SLC7A8: variants seen among roughly 807,000 people sequenced by gnomAD.
SLC7A8 encodes large neutral amino acids transporter small subunit 2.
A neutral mutation model predicts 51.2 loss-of-function variants in SLC7A8; 30 were observed. That is an observed-to-expected ratio of 0.59 (90% CI 0.44 to 0.80). SLC7A8 has a LOEUF of 0.80. Ranked by LOEUF, SLC7A8 falls within the 30% of genes least tolerant of loss-of-function variation. The pLI, the probability that SLC7A8 is intolerant of heterozygous loss-of-function variation, is 0.00. For synonymous variants in SLC7A8, 257 were observed against 275.8 expected, an observed-to-expected ratio of 0.93 and a Z score of 0.67; for missense variants, 612 against 674.4, an observed-to-expected ratio of 0.91 and a Z score of 1.03.
intron 7 of SLC7A8, among the ~76,000 whole-genome samples, chr14:23,133,009 C>G (rs2048654114): frequency 6.6e-6 from 1 of 152,118 alleles, no homozygotes; most frequent in Non-Finnish European, 1.5e-5. Context: ...GAACTGGGCT[C>G]TAATGATCCT....
At chr14:23,170,006 T>C (rs1168151759) in intron 1 of SLC7A8, among the ~76,000 whole-genome samples, 1 of 152,146 alleles carries the variant, frequency 6.6e-6, no homozygotes, top group Admixed American at 6.5e-5. Context: ...TATTGAAGAG[T>C]TGGAACACAG....
chr14:23,138,249 A>G, intron 6 of SLC7A8: 1 of 531,142 alleles, frequency 1.9e-6, no homozygotes, highest in Non-Finnish European at 3.4e-6. Context: ...ACTGGTAATA[A>G]TAATAATGAA....
chr14:23,164,082 C>T (rs1237769960), intron 3 of SLC7A8, among the ~76,000 whole-genome samples: 1 of 152,120 alleles, frequency 6.6e-6, no homozygotes, highest in Non-Finnish European at 1.5e-5. Context: ...AATCGACCCT[C>T]CTACCTCAGC....
chr14:23,175,755 T>C (rs2048996313), intron 1 of SLC7A8, among the ~76,000 whole-genome samples: 1 of 152,206 alleles, frequency 6.6e-6, no homozygotes, highest in Admixed American at 6.5e-5. Flanking sequence ...GGATCCCTGG[T>C]CCCGGCCACC....
intron 8 of SLC7A8, chr14:23,130,169 T>A (rs1017728541): frequency 1.7e-5 from 3 of 178,868 alleles, no homozygotes; most frequent in East Asian, 1.7e-4. Context: ...TTCATTTTTT[T>A]AAAATCCCTT....
At chr14:23,152,983 G>A (rs991068469) in intron 3 of SLC7A8, among the ~76,000 whole-genome samples, 3 of 152,182 alleles carry the variant, frequency 2.0e-5, no homozygotes, top group African/African-American at 7.2e-5. Flanking sequence ...TGAACCAGTT[G>A]GGACTCTCCT....
rs562280241 is a variant in SLC7A8, at chr14:23,125,393, G to T, written c.*1784C>A. 1 of 152,048 alleles carries T rather than the reference G, an allele frequency of 6.6e-6. No individual in the cohort carries two copies. Among genetic ancestry groups the T allele is most frequent in the Non-Finnish European group, 1.5e-5 (1 of 67,986 alleles). The allele number at this position is 152,048 out of a possible 1,614,324, so 9.4% of individuals were successfully genotyped here. On this transcript the variant is annotated 3_prime_UTR_variant, in exon 11 of 11. Transcript: ENST00000316902. ...CCAAACGAAAGAAATTATCATTAAG[G>T]TTCTAACTCCATCCCCCAAAACAAC...
intron 3 of SLC7A8, among the ~76,000 whole-genome samples, chr14:23,156,836 G>A (rs2048896065): frequency 6.6e-6 from 1 of 152,198 alleles, no homozygotes; most frequent in Non-Finnish European, 1.5e-5. Context: ...TTTCCAGGGT[G>A]TGGGCACACA....
chr14:23,182,838 T>G lies in SLC7A8; in HGVS notation c.77A>C (p.Glu26Ala), dbSNP rs1362505259. 21 of 1,613,904 alleles carry G rather than the reference T, an allele frequency of 1.3e-5. No homozygotes were observed. The highest frequency in any genetic ancestry group is 1.7e-5 in the Non-Finnish European group (20 of 1,179,964). The change falls in exon 1 of 11, where the codon GAG becomes GCG. Residue 26 changes from glutamate to alanine, a missense_variant. Glu to Ala is a moderately radical substitution (Grantham distance 107, BLOSUM62 -1). Transcript: ENST00000316902. ...PGGGESDASP[E>A]AGSGGGGVAL... The stretch of plus-strand genomic sequence containing the variant: ...TACTCCGCCCCCTCCGGAACCAGCC[T>G]CGGGGCTGGCGTCCGACTCGCCCCC...
chr14:23,153,931 G>C (rs1273798759), intron 3 of SLC7A8, among the ~76,000 whole-genome samples: 1 of 152,186 alleles, frequency 6.6e-6, no homozygotes, highest in Non-Finnish European at 1.5e-5. Context: ...CATAAAGACA[G>C]ATGGTGAAGA....
chr14:23,139,363 T>C (rs934017819), intron 6 of SLC7A8, 61 bp downstream of exon 6: 8 of 1,610,224 alleles, frequency 5.0e-6, no homozygotes, highest in Non-Finnish European at 6.8e-6. Flanking sequence ...TGAGTGGGGC[T>C]ACAGCAGGCA....
intron 1 of SLC7A8, among the ~76,000 whole-genome samples, chr14:23,180,111 T>G (rs1016342069): frequency 2.6e-5 from 4 of 152,156 alleles, no homozygotes; most frequent in Non-Finnish European, 4.4e-5. Context: ...TTTCACCGTG[T>G]TAGCCAGGAT....
chr14:23,135,341 A>G (rs1017810704), intron 7 of SLC7A8, among the ~76,000 whole-genome samples: 1 of 150,760 alleles, frequency 6.6e-6, no homozygotes, highest in Non-Finnish European at 1.5e-5. Flanking sequence ...CGCCCGCCTC[A>G]GCCTCCCAAA....
Position 23,128,399 on chromosome 14 carries a change from A to C in SLC7A8, c.1264-203T>G. On this transcript the variant is annotated intron_variant, in intron 9 of 10. Transcript: ENST00000316902. The surrounding 1 kb of genome is among the most constrained non-coding windows in gnomAD (Gnocchi z 4.3). The stretch of plus-strand genomic sequence containing the variant: ...CAAATGTTGATGAACATGGTCGGTC[A>C]GACAGGAAGAGGATGGGGAGGAGTT... 6.6e-7 allele frequency: 1 copy of C among 1,514,230 alleles called. No individual in the cohort carries two copies. The allele number at this position is 1,514,230 out of a possible 1,614,324, so 93.8% of individuals were successfully genotyped here.
intron 3 of SLC7A8, among the ~76,000 whole-genome samples, chr14:23,158,116 G>A (rs762318953): frequency 2.3e-4 from 35 of 152,162 alleles, no homozygotes; most frequent in Non-Finnish European, 2.4e-4. Flanking sequence ...AGAGTCTTTC[G>A]GTTTATTGTT....
At chr14:23,164,666 A>G (rs2048939942) in intron 3 of SLC7A8, among the ~76,000 whole-genome samples, 1 of 151,812 alleles carries the variant, frequency 6.6e-6, no homozygotes, top group South Asian at 2.1e-4. Context: ...TAAAAAACAC[A>G]CTTGTAGGAA....
intron 10 of SLC7A8, 129 bp downstream of exon 10, chr14:23,127,890 C>T (rs973913197): frequency 2.3e-5 from 18 of 796,598 alleles, no homozygotes; most frequent in Non-Finnish European, 3.6e-5. Flanking sequence ...TGGACTCTTC[C>T]AGGGCTCTGT....
chr14:23,149,149 C>T (rs2048824324), intron 3 of SLC7A8, among the ~76,000 whole-genome samples: 1 of 152,194 alleles, frequency 6.6e-6, no homozygotes, highest in African/African-American at 2.4e-5. Flanking sequence ...AGCCGCTTCG[C>T]ACTTCTTCCA....
chr14:23,169,726 G>A (rs1266310570), intron 1 of SLC7A8, among the ~76,000 whole-genome samples: 1 of 152,132 alleles, frequency 6.6e-6, no homozygotes, highest in Non-Finnish European at 1.5e-5. Flanking sequence ...CAATTTATAG[G>A]GGAAGAAAGT....
Sources: gnomAD v4.1 joint callset for allele counts (sites outside exome capture counted in the v4.1 genomes callset) on GRCh38, gnomAD v4.1.1 for gene constraint, Gnocchi (gnomAD v3.1) non-coding constraint, MANE v1.5 for transcripts, NCBI Gene and HGNC (gene_info 2026-07-23, HGNC 2026-07-21) for gene names.